RIN2: variants seen among roughly 807,000 people sequenced by gnomAD.
The protein encoded by RIN2 is RAB5 interacting protein 2.
A neutral mutation model predicts 78.0 loss-of-function variants in RIN2; 36 were observed. That is an observed-to-expected ratio of 0.46 (90% CI 0.35 to 0.61). The LOEUF (loss-of-function observed/expected upper bound fraction) is 0.61. RIN2 is among the 20% of genes least tolerant of loss of function. RIN2 has a pLI of 0.00. For missense variants in RIN2, 1,087 were observed against 1,159.7 expected (o/e 0.94, Z 0.91); for synonymous variants, 466 against 466.8 (o/e 1.00, Z 0.02).
chr20:19,823,477 T>A, intron 2 of RIN2: 1 of 809,780 alleles, frequency 1.2e-6, no homozygotes, highest in Non-Finnish European at 2.2e-6. Flanking sequence ...AGCACCACTG[T>A]TGATGTCATC....
chr20:19,865,727 T>A (rs2037486175), intron 2 of RIN2, among the ~76,000 whole-genome samples: 1 of 152,052 alleles, frequency 6.6e-6, no homozygotes, highest in Non-Finnish European at 1.5e-5. Context: ...ACTCCTGACC[T>A]TAAGCAATCC....
chr20:19,873,126 TA>T (rs67777223), intron 2 of RIN2, among the ~76,000 whole-genome samples: 117 of 151,092 alleles, frequency 7.7e-4, no homozygotes, highest in Non-Finnish European at 1.2e-3. Context: ...TTTTTATTTT[TA>T]TTTTATTTTA....
chr20:19,945,847 C>G (rs1042534439), intron 4 of RIN2, among the ~76,000 whole-genome samples: 2 of 152,162 alleles, frequency 1.3e-5, no homozygotes, highest in Non-Finnish European at 2.9e-5. Context: ...ATTGGAGCTG[C>G]CTCCTTTTCT....
intron 2 of RIN2, among the ~76,000 whole-genome samples, chr20:19,828,321 C>T (rs928884469): frequency 2.6e-5 from 4 of 152,186 alleles, no homozygotes; most frequent in African/African-American, 7.2e-5. Context: ...AGTTCCTCCC[C>T]GTGAATCGGA....
At chr20:19,837,930 CTATT>C (rs2036470110) in intron 2 of RIN2, among the ~76,000 whole-genome samples, 1 of 151,986 alleles carries the variant, frequency 6.6e-6, no homozygotes, top group Admixed American at 6.6e-5. Context: ...TCTGGTTTCA[CTATT>C]TATTGACTTA....
At chr20:19,767,018 C>A (rs2033915860) in intron 1 of RIN2, among the ~76,000 whole-genome samples, 1 of 152,080 alleles carries the variant, frequency 6.6e-6, no homozygotes, top group African/African-American at 2.4e-5. Context: ...TCTCCTTCAC[C>A]TGCTGAAGGT....
intron 1 of RIN2, among the ~76,000 whole-genome samples, chr20:19,771,173 A>G (rs1468063587): frequency 6.6e-6 from 1 of 152,118 alleles, no homozygotes; most frequent in African/African-American, 2.4e-5. Context: ...ACCATTGGCT[A>G]TTGGTGATCA....
intron 2 of RIN2, among the ~76,000 whole-genome samples, chr20:19,811,791 T>C (rs776292084): frequency 3.3e-5 from 5 of 152,046 alleles, no homozygotes; most frequent in Non-Finnish European, 4.4e-5. Flanking sequence ...CTTTGAGTTA[T>C]AGTTTTGAGT....
chr20:19,893,770 C>T (rs1033144117), intron 3 of RIN2, among the ~76,000 whole-genome samples: 2 of 152,182 alleles, frequency 1.3e-5, no homozygotes, highest in African/African-American at 4.8e-5. Flanking sequence ...TATCTTCCTG[C>T]TCCACAAAAC....
At chr20:19,888,786 G>T (rs887249093) in intron 2 of RIN2, among the ~76,000 whole-genome samples, 1 of 152,232 alleles carries the variant, frequency 6.6e-6, no homozygotes, top group African/African-American at 2.4e-5. Flanking sequence ...GCTGGCAGAG[G>T]TGTGTGTATG....
Position 19,999,972 on chromosome 20 carries a change from TTG to T in RIN2, c.2365-630_2365-629del, listed in dbSNP as rs1369465483. Among the ~76,000 whole-genome samples the T allele has an allele frequency of 2.0e-5, 3 of 152,162 alleles. No individual in the cohort carries two copies. The East Asian group carries it at 5.8e-4, about 29-fold the overall frequency. On this transcript the variant is annotated intron_variant, in intron 12 of 12. Coordinates refer to ENST00000255006, the MANE Select transcript of RIN2 (RefSeq NM_018993.4). ...AAAAATAGTCAAAAGTCAGCGCATT[TTG>T]TGTGTGTGTGATTCAACCTAAATGA...
chr20:19,844,698 C>CTTCTTCTTCTTCTTCTTCT (rs2036720210), intron 2 of RIN2, among the ~76,000 whole-genome samples: 17 of 26,308 alleles, frequency 6.5e-4, no homozygotes, highest in African/African-American at 1.7e-3. Context: ...CTTCCTCTTC[C>CTTCTTCTTCTTCTTCTTCT]TCTTCTTCTT....
At chr20:19,762,297 G>A (rs1234828138) in intron 1 of RIN2, among the ~76,000 whole-genome samples, 1 of 152,158 alleles carries the variant, frequency 6.6e-6, no homozygotes, top group Non-Finnish European at 1.5e-5. Flanking sequence ...AGGCTTTATT[G>A]CAATTAAGGA....
In RIN2 at chr20:19,990,290, A is replaced by T; in HGVS notation, c.2047A>T (p.Thr683Ser). The change falls in exon 10 of 13, where the codon ACG becomes TCG. Residue 683 changes from threonine to serine, a missense_variant. Transcript: ENST00000255006. The stretch of plus-strand genomic sequence containing the variant: ...GCTGCGGGTCTGCAAGCTCATTTAC[A>T]CGGTCATGGAGAACAACTCAGGTGA... ...LLLRVCKLIY[T>S]VMENNSGRMY... 6.2e-7 allele frequency: 1 copy of T among 1,613,432 alleles called. No individual in the cohort carries two copies. Among genetic ancestry groups the T allele is most frequent in the Non-Finnish European group, 8.5e-7 (1 of 1,179,590 alleles).
At chr20:19,977,411 T>A (rs1475748719) in intron 9 of RIN2, among the ~76,000 whole-genome samples, 1 of 126,160 alleles carries the variant, frequency 7.9e-6, no homozygotes. Flanking sequence ...CCAAAAAACA[T>A]GCTAAAATTA....
intron 5 of RIN2, among the ~76,000 whole-genome samples, chr20:19,957,977 CA>C (rs960539988): frequency 6.6e-6 from 1 of 152,150 alleles, no homozygotes; most frequent in African/African-American, 2.4e-5. Context: ...ACACGCAACA[CA>C]AGATAGAAAC....
chr20:19,899,039 T>A (rs2038863456), intron 3 of RIN2, among the ~76,000 whole-genome samples: 1 of 152,226 alleles, frequency 6.6e-6, no homozygotes, highest in Non-Finnish European at 1.5e-5. Flanking sequence ...CCCACCTTTT[T>A]AATCTATTTC....
At chr20:19,907,057 T>A (rs1463177533) in intron 3 of RIN2, among the ~76,000 whole-genome samples, 2 of 152,136 alleles carry the variant, frequency 1.3e-5, no homozygotes, top group African/African-American at 4.8e-5. Flanking sequence ...TCTTGCTGCG[T>A]CATTCCATGG....
chr20:19,938,369 C>T lies in RIN2; in HGVS notation c.158+3170C>T, dbSNP rs1024643561. Reference sequence around the variant, plus strand: ...AAGTAGTTGGAAGCACGGGTGCCCACCACCACACCCAGCTAATTTTTTTTT... The same window carrying T: ...AAGTAGTTGGAAGCACGGGTGCCCATCACCACACCCAGCTAATTTTTTTTT... On this transcript the variant is annotated intron_variant, in intron 4 of 12. Coordinates refer to ENST00000255006, the MANE Select transcript of RIN2 (RefSeq NM_018993.4). Among the ~76,000 whole-genome samples the T allele has an allele frequency of 5.9e-5, 9 of 152,004 alleles. 1 individual carries two copies. The South Asian group carries it at 8.3e-4, about 14-fold the overall frequency.
Sources: allele counts gnomAD v4.1 joint callset (sites outside exome capture counted in the v4.1 genomes callset), GRCh38; gene constraint gnomAD v4.1.1; transcripts MANE v1.5; gene names NCBI Gene and HGNC (gene_info 2026-07-23, HGNC 2026-07-21).